Variants in ZNF385B observed in about 807,000 individuals in gnomAD.
ZNF385B encodes the protein zinc finger protein 385B.
In ZNF385B, 23 loss-of-function variants were observed where a neutral mutation model predicts 39.2. That is an observed-to-expected ratio of 0.59 (90% CI 0.42 to 0.83). ZNF385B has a LOEUF of 0.83. Ranked by LOEUF, ZNF385B falls within the 40% of genes least tolerant of loss-of-function variation. The pLI, the probability that ZNF385B is intolerant of heterozygous loss-of-function variation, is 0.00. For synonymous variants in ZNF385B, 205 were observed against 222.6 expected, an observed-to-expected ratio of 0.92 and a Z score of 0.70; for missense variants, 552 against 598.9, an observed-to-expected ratio of 0.92 and a Z score of 0.82.
intron 3 of ZNF385B, among the ~76,000 whole-genome samples, chr2:179,565,044 T>C (rs1684398659): frequency 6.6e-6 from 1 of 152,192 alleles, no homozygotes; most frequent in Admixed American, 6.6e-5. Context: ...TCATACCCAT[T>C]GCCATTACCT....
chr2:179,543,034 G>A (rs1205887257), intron 4 of ZNF385B, among the ~76,000 whole-genome samples: 2 of 152,178 alleles, frequency 1.3e-5, no homozygotes, highest in African/African-American at 2.4e-5. Flanking sequence ...CAGTTTGGGA[G>A]GCCGAGGAGG....
intron 3 of ZNF385B, among the ~76,000 whole-genome samples, chr2:179,757,621 T>C (rs1289004109): frequency 1.3e-5 from 2 of 152,212 alleles, no homozygotes; most frequent in Non-Finnish European, 2.9e-5. Flanking sequence ...CAGTTCAAGC[T>C]TCCTGGCCAC....
intron 6 of ZNF385B, among the ~76,000 whole-genome samples, chr2:179,478,291 C>T (rs1319106511): frequency 6.6e-6 from 1 of 152,216 alleles, no homozygotes; most frequent in East Asian, 1.9e-4. Context: ...TTTTTGAGGG[C>T]GACAAATGTC....
intron 3 of ZNF385B, among the ~76,000 whole-genome samples, chr2:179,663,788 C>T (rs1047517612): frequency 1.0e-4 from 15 of 145,628 alleles, no homozygotes; most frequent in African/African-American, 3.9e-4. Flanking sequence ...ACAGAAGAAA[C>T]TAAGTGCTAG....
chr2:179,694,183 C>T (rs906518773), intron 3 of ZNF385B, among the ~76,000 whole-genome samples: 1 of 152,100 alleles, frequency 6.6e-6, no homozygotes, highest in Non-Finnish European at 1.5e-5. Flanking sequence ...CTAAGTTGAC[C>T]TGATAACCAA....
chr2:179,578,442 C>T (rs1171871844), intron 3 of ZNF385B, among the ~76,000 whole-genome samples: 3 of 152,076 alleles, frequency 2.0e-5, no homozygotes, highest in Non-Finnish European at 4.4e-5. Flanking sequence ...ATTCATCTTG[C>T]CCTCTCAAAT....
intron 3 of ZNF385B, among the ~76,000 whole-genome samples, chr2:179,654,386 T>C (rs1183828123): frequency 6.6e-6 from 1 of 152,152 alleles, no homozygotes; most frequent in Non-Finnish European, 1.5e-5. Flanking sequence ...CCTATCCCCC[T>C]ACCCCCTTCG....
chr2:179,498,170 G>A (rs1292932532), intron 5 of ZNF385B, among the ~76,000 whole-genome samples: 2 of 152,004 alleles, frequency 1.3e-5, no homozygotes, highest in Admixed American at 1.3e-4. Context: ...AATCAATAAA[G>A]AAACATAAGA....
chr2:179,855,347 T>C (rs1200746651), intron 1 of ZNF385B, among the ~76,000 whole-genome samples: 1 of 152,248 alleles, frequency 6.6e-6, no homozygotes, highest in South Asian at 2.1e-4. Flanking sequence ...TTCATTTTTA[T>C]TTCCAAAATA....
At chr2:179,830,150 C>A (rs1707904349) in intron 1 of ZNF385B, among the ~76,000 whole-genome samples, 1 of 152,146 alleles carries the variant, frequency 6.6e-6, no homozygotes, top group Non-Finnish European at 1.5e-5. Flanking sequence ...ATTAAAACAA[C>A]AAAGAGATAC....
chr2:179,499,563 TG>T (rs1290391832), intron 5 of ZNF385B, among the ~76,000 whole-genome samples: 2 of 152,052 alleles, frequency 1.3e-5, no homozygotes, highest in African/African-American at 4.8e-5. Flanking sequence ...TTTCAATTGA[TG>T]CTAAAAAAGC....
At chr2:179,662,374 T>C (rs1189548578) in intron 3 of ZNF385B, among the ~76,000 whole-genome samples, 3 of 151,870 alleles carry the variant, frequency 2.0e-5, no homozygotes, top group Non-Finnish European at 4.4e-5. Flanking sequence ...TTTTTTTTTT[T>C]TTGGTGGGCA....
intron 3 of ZNF385B, among the ~76,000 whole-genome samples, chr2:179,701,031 CA>C (rs1049371475): frequency 3.3e-5 from 5 of 151,972 alleles, no homozygotes; most frequent in African/African-American, 1.2e-4. Flanking sequence ...AAAACAAAAA[CA>C]AAAACAAAAC....
At chr2:179,582,689 C>A (rs1686666409) in intron 3 of ZNF385B, among the ~76,000 whole-genome samples, 1 of 152,098 alleles carries the variant, frequency 6.6e-6, no homozygotes, top group Admixed American at 6.5e-5. Context: ...CAGTAATTTG[C>A]ATTTTAAAAA....
intron 4 of ZNF385B, among the ~76,000 whole-genome samples, chr2:179,534,363 G>T (rs1207079672): frequency 6.6e-6 from 1 of 152,060 alleles, no homozygotes; most frequent in African/African-American, 2.4e-5. Context: ...ATAGAGCTTT[G>T]CTGTTTTAAG....
chr2:179,766,030 T>TCATACA (rs1703669589), intron 3 of ZNF385B, among the ~76,000 whole-genome samples: 1 of 140,832 alleles, frequency 7.1e-6, no homozygotes, highest in Non-Finnish European at 1.5e-5. Flanking sequence ...GGTACATTGA[T>TCATACA]CACACACACA....
intron 3 of ZNF385B, among the ~76,000 whole-genome samples, chr2:179,547,273 C>T (rs962296599): frequency 2.7e-5 from 4 of 149,416 alleles, no homozygotes; most frequent in African/African-American, 1.0e-4. Context: ...GAGGGTATTA[C>T]TCAAGAAATT....
At chr2:179,646,766 C>T (rs1360509420) in intron 3 of ZNF385B, among the ~76,000 whole-genome samples, 1 of 152,172 alleles carries the variant, frequency 6.6e-6, no homozygotes, top group African/African-American at 2.4e-5. Context: ...CATGAATAAA[C>T]AGATTACAAT....
chr2:179,476,964 A>G (rs1371061074), intron 6 of ZNF385B, among the ~76,000 whole-genome samples: 1 of 152,304 alleles, frequency 6.6e-6, no homozygotes, highest in East Asian at 1.9e-4. Flanking sequence ...CAAATTTATG[A>G]GGGTGCTTTT....
Sources: allele counts gnomAD v4.1 joint callset (sites outside exome capture counted in the v4.1 genomes callset), GRCh38; gene constraint gnomAD v4.1.1; transcripts MANE v1.5; gene names NCBI Gene and HGNC (gene_info 2026-07-23, HGNC 2026-07-21).